The following KHDRBS2 variants were observed in gnomAD, a reference collection of about 807,000 sequenced individuals.
The protein encoded by KHDRBS2 is KH domain-containing, RNA-binding, signal transduction-associated protein 2.
Under a neutral mutation model 44.3 loss-of-function variants are expected in KHDRBS2, and 26 were observed. The ratio of observed to expected loss-of-function variants is 0.59; its 90% CI spans 0.43 to 0.81. KHDRBS2 has a LOEUF of 0.81. Ranked by LOEUF, KHDRBS2 falls within the 40% of genes least tolerant of loss-of-function variation. The probability of loss-of-function intolerance (pLI) is 0.00; values close to 1 mark genes in which losing one functional copy is unlikely to be tolerated. For synonymous variants in KHDRBS2, 194 were observed against 151.1 expected (o/e 1.28, Z -2.08); for missense variants, 476 against 433.1 (o/e 1.10, Z -0.88).
chr6:62,093,187 TAAGAA>T (rs1380519526), intron 2 of KHDRBS2, among the ~76,000 whole-genome samples: 3 of 145,838 alleles, frequency 2.1e-5, no homozygotes, highest in Admixed American at 6.8e-5. Flanking sequence ...AGGATAAAAC[TAAGAA>T]AATGGAGAAA....
chr6:61,939,228 T>C (rs1441430743), intron 4 of KHDRBS2, among the ~76,000 whole-genome samples: 2 of 147,152 alleles, frequency 1.4e-5, no homozygotes, highest in South Asian at 4.3e-4. Flanking sequence ...CTTAAGGAAA[T>C]AAAATACATG....
chr6:61,888,703 A>C (rs1376070114), intron 6 of KHDRBS2, among the ~76,000 whole-genome samples: 1 of 151,630 alleles, frequency 6.6e-6, no homozygotes, highest in East Asian at 1.9e-4. Flanking sequence ...CTGGAACTAC[A>C]GGCGCCCGCC....
chr6:61,623,761 T>A, the KHDRBS2 span, among the ~76,000 whole-genome samples: 2 of 152,150 alleles, frequency 1.3e-5, no homozygotes, highest in Admixed American at 1.3e-4. Context: ...ATAGAGTTTG[T>A]CCCCTATGAC....
At chr6:61,638,271 A>G in the KHDRBS2 span, among the ~76,000 whole-genome samples, 1 of 152,246 alleles carries the variant, frequency 6.6e-6, no homozygotes, top group South Asian at 2.1e-4. Context: ...ACAAGGCTAC[A>G]GTAACCAAAA....
chr6:62,065,272 T>G (rs1012871382), intron 2 of KHDRBS2, among the ~76,000 whole-genome samples: 3 of 151,974 alleles, frequency 2.0e-5, no homozygotes, highest in Admixed American at 2.0e-4. Flanking sequence ...ACCCAGCCAT[T>G]CCATTACTGG....
intron 1 of KHDRBS2, among the ~76,000 whole-genome samples, chr6:62,273,764 A>G (rs1011171111): frequency 2.0e-5 from 3 of 152,148 alleles, no homozygotes; most frequent in African/African-American, 7.2e-5. Flanking sequence ...AACACTTCAC[A>G]GTCCCTTCAG....
intron 3 of KHDRBS2, among the ~76,000 whole-genome samples, chr6:62,036,208 A>G (rs1785250251): frequency 6.6e-6 from 1 of 151,898 alleles, no homozygotes; most frequent in South Asian, 2.1e-4. Context: ...GGTGCACATC[A>G]TCTGTGGCAA....
chr6:61,845,391 C>A (rs1234534149), intron 6 of KHDRBS2, among the ~76,000 whole-genome samples: 1 of 147,730 alleles, frequency 6.8e-6, no homozygotes, highest in Non-Finnish European at 1.5e-5. Flanking sequence ...CTCACTGCAA[C>A]CTCCGCCTCC....
chr6:62,087,025 C>A (rs1305293032), intron 2 of KHDRBS2, among the ~76,000 whole-genome samples: 1 of 150,606 alleles, frequency 6.6e-6, no homozygotes, highest in Non-Finnish European at 1.5e-5. Context: ...TATTGTTTAA[C>A]TCAATACAAA....
the KHDRBS2 span, among the ~76,000 whole-genome samples, chr6:61,619,996 G>A: frequency 1.3e-5 from 2 of 152,124 alleles, no homozygotes; most frequent in African/African-American, 4.8e-5. Context: ...ACTTGTGTAA[G>A]GGTTGTTGTG....
intron 1 of KHDRBS2, among the ~76,000 whole-genome samples, chr6:62,186,418 A>G (rs1012703326): frequency 2.0e-5 from 3 of 152,190 alleles, no homozygotes; most frequent in African/African-American, 7.2e-5. Flanking sequence ...GTTTTGTATC[A>G]TTAAAACCAA....
intron 6 of KHDRBS2, among the ~76,000 whole-genome samples, chr6:61,787,379 T>A (rs1783979373): frequency 6.6e-6 from 1 of 151,742 alleles, no homozygotes; most frequent in African/African-American, 2.4e-5. Flanking sequence ...CAGTTTCAAC[T>A]TTCTTGTAAT....
intron 3 of KHDRBS2, among the ~76,000 whole-genome samples, chr6:61,998,730 T>C (rs1279982907): frequency 2.0e-5 from 3 of 152,054 alleles, no homozygotes; most frequent in Admixed American, 2.0e-4. Context: ...TCACCTTGGC[T>C]AGAAATAAAA....
intron 1 of KHDRBS2, among the ~76,000 whole-genome samples, chr6:62,223,390 G>A (rs183412735): frequency 5.9e-5 from 9 of 152,272 alleles, no homozygotes; most frequent in Admixed American, 2.0e-4. Context: ...TCAGGCCAAC[G>A]AAATCATTTT....
rs398001756 is a variant in KHDRBS2 at position 62,059,198 on chromosome 6, G to GTTTTTTTTTTTTTT, written c.220-11218_220-11205dup. On this transcript the variant is annotated intron_variant, in intron 2 of 8. Transcript: ENST00000281156. Reference sequence around the variant, plus strand: ...TATTTCCACATAGAAAAGTTAGGAAGTTTTTTTTTTTTTTTTTTTTTTTTT... The same window carrying GTTTTTTTTTTTTTT: ...TATTTCCACATAGAAAAGTTAGGAAGTTTTTTTTTTTTTTTTTTTTTTTTTTTTTTTTTTTTTTT... Among the ~76,000 whole-genome samples, 209 of 24,884 alleles carry GTTTTTTTTTTTTTT rather than the reference G, an allele frequency of 8.4e-3. 76 individuals are homozygous for GTTTTTTTTTTTTTT. Among genetic ancestry groups the GTTTTTTTTTTTTTT allele is most frequent in the Middle Eastern group, 0.05 (1 of 20 alleles). 16.3% of individuals were successfully genotyped at this position (24,884 alleles called of 152,430 possible).
intron 6 of KHDRBS2, among the ~76,000 whole-genome samples, chr6:61,735,337 A>G (rs1289228673): frequency 6.6e-6 from 1 of 152,126 alleles, no homozygotes; most frequent in East Asian, 1.9e-4. Flanking sequence ...TTCAGCTTCT[A>G]TCTCCTGAGT....
At chr6:62,196,054 C>A (rs1825631321) in intron 1 of KHDRBS2, among the ~76,000 whole-genome samples, 1 of 152,046 alleles carries the variant, frequency 6.6e-6, no homozygotes, top group African/African-American at 2.4e-5. Flanking sequence ...TGAGTGGAGC[C>A]AATGACCTCA....
intron 2 of KHDRBS2, among the ~76,000 whole-genome samples, chr6:62,080,044 T>A (rs1290954258): frequency 6.6e-6 from 1 of 151,942 alleles, no homozygotes; most frequent in African/African-American, 2.4e-5. Context: ...TATTTATAAA[T>A]AAAATGCAAA....
At chr6:61,804,273 C>T (rs1373212020) in intron 6 of KHDRBS2, among the ~76,000 whole-genome samples, 7 of 152,170 alleles carry the variant, frequency 4.6e-5, no homozygotes, top group African/African-American at 1.4e-4. Context: ...TCTCTTTTGA[C>T]TTCATGTCTC....
Sources: gnomAD v4.1 joint callset for allele counts (sites outside exome capture counted in the v4.1 genomes callset) on GRCh38, gnomAD v4.1.1 for gene constraint, MANE v1.5 for transcripts, NCBI Gene and HGNC (gene_info 2026-07-23, HGNC 2026-07-21) for gene names.